The following PNMA2 variants were observed in gnomAD, a reference collection of about 807,000 sequenced individuals.
PNMA2 encodes paraneoplastic antigen Ma2.
For synonymous variants in PNMA2, 175 were observed against 183.5 expected (o/e 0.95, Z 0.38); for missense variants, 455 against 452.9 (o/e 1.00, Z -0.04).
chr8:26,513,260 C>T (rs1274437095), intron 1 of PNMA2, among the ~76,000 whole-genome samples: 1 of 151,852 alleles, frequency 6.6e-6, no homozygotes, highest in East Asian at 1.9e-4. Context: ...GTCTTTAAGT[C>T]GTGGCCCTGG....
At chr8:26,512,466 C>T (rs1040474572) in intron 1 of PNMA2, among the ~76,000 whole-genome samples, 11 of 152,164 alleles carry the variant, frequency 7.2e-5, no homozygotes, top group African/African-American at 2.7e-4. Context: ...GCAGATGTAA[C>T]TATATTCACC....
rs920134424 is a variant in PNMA2, at chr8:26,508,012, C to A, written c.744G>T (p.Arg248Ser). 1.9e-6 allele frequency: 3 copies of A among 1,614,260 alleles called. No homozygotes were observed. The African/African-American group carries it at 4.0e-5, about 22-fold the overall frequency. ...KQVFGSLESRRTAQVRYLKTY... is the reference protein window; with the variant it reads ...KQVFGSLESRSTAQVRYLKTY... ...TCTTCAGATACCTCACCTGGGCTGT[C>A]CTGCGGCTCTCTAGGCTCCCAAACA... is the stretch of plus-strand genomic sequence containing the variant. The change falls in exon 3 of 3, where the codon AGG becomes AGT. Residue 248 changes from arginine to serine, a missense_variant. Physicochemically the swap from Arg to Ser is moderately radical, Grantham distance 110 (BLOSUM62 -1). Coordinates refer to ENST00000522362, the MANE Select transcript of PNMA2 (RefSeq NM_007257.6). The surrounding 1 kb of genome is among the most constrained non-coding windows in gnomAD (Gnocchi z 5.5).
At chr8:26,513,131 T>A (rs1437244963) in intron 1 of PNMA2, 4 of 147,628 alleles carry the variant, frequency 2.7e-5, no homozygotes, top group Non-Finnish European at 6.0e-5. Context: ...TTTTTTTTTT[T>A]TTTTTTTTGG....
In PNMA2 at chr8:26,507,554, A is replaced by C; in HGVS notation, c.*107T>G. On this transcript the variant is annotated 3_prime_UTR_variant, in exon 3 of 3. Transcript: ENST00000522362. ...AGGGAGGGAAGGAAGGAAGGAAGGA[A>C]GGTCAATAATTGGCTTTCATGGTTT... The C allele has an allele frequency of 1.1e-6, 1 of 913,284 alleles. No individual in the cohort carries two copies. The highest frequency in any genetic ancestry group is 1.6e-6 in the Non-Finnish European group (1 of 617,802). The allele number at this position is 913,284 out of a possible 1,614,324, so 56.6% of individuals were successfully genotyped here. A position where few individuals can be genotyped will look rare whatever the true frequency, so the allele number is the denominator to read the frequency against.
intron 1 of PNMA2, among the ~76,000 whole-genome samples, chr8:26,510,853 C>T (rs183487656): frequency 6.6e-4 from 101 of 152,216 alleles, no homozygotes; most frequent in Middle Eastern, 6.8e-3. Context: ...GATTAGAGAA[C>T]GTAAAAAAGT....
At position 26,507,756 on chromosome 8, in the gene PNMA2, C is replaced by T; in HGVS notation, c.1000G>A (p.Glu334Lys). The T allele has an allele frequency of 6.2e-7, 1 of 1,613,196 alleles. No homozygotes were observed. Among genetic ancestry groups the T allele is most frequent in the Non-Finnish European group, 8.5e-7 (1 of 1,179,664 alleles). Reference protein sequence around the residue: ...FLELMKVIREEEEEEASFENE... With the variant: ...FLELMKVIREKEEEEASFENE... ...TCAAAGGAGGCCTCTTCCTCCTCTT[C>T]TTCCCGTATTACCTTCATTAGCTCA... is the stretch of plus-strand genomic sequence containing the variant. Residue 334 changes from glutamate (E) to lysine (K), a missense_variant, in exon 3 of 3, where the codon GAA becomes AAA. Coordinates refer to ENST00000522362, the MANE Select transcript of PNMA2 (RefSeq NM_007257.6).
At position 26,508,375 on chromosome 8, in the gene PNMA2, C is replaced by T. The variant is rs1237819500; in HGVS notation, c.381G>A (p.Glu127=). 9 of 1,614,096 alleles carry T rather than the reference C, an allele frequency of 5.6e-6. No homozygotes were observed. Among genetic ancestry groups the T allele is most frequent in the Non-Finnish European group, 7.6e-6 (9 of 1,180,022 alleles). ...AGGGCACTGTGGCTGGAGACACGCC[C>T]TCCTGCCCCAGGGCTCGAAACATAC... ...VSGMFRALGQ[E]GVSPATVPCI... Residue 127 remains glutamate, a synonymous_variant, in exon 3 of 3, where the codon GAG becomes GAA. Transcript: ENST00000522362. This position sits in a 1 kb window ranked among gnomAD's most constrained non-coding sequence, Gnocchi z 5.5.
intron 1 of PNMA2, among the ~76,000 whole-genome samples, chr8:26,510,621 T>A (rs529813124): frequency 3.2e-4 from 49 of 152,006 alleles, no homozygotes; most frequent in African/African-American, 1.0e-3. Flanking sequence ...GCTAGTTTTT[T>A]AAATTTTGTG....
Position 26,507,500 on chromosome 8 carries a change from G to A in PNMA2, c.*161C>T. ...GAAGGAAAGAGAGGAGAGGAGAGGAGAGAGGAGGAGAGAAGGAGAGAAGGA... is the reference window on the plus strand; with the variant it reads ...GAAGGAAAGAGAGGAGAGGAGAGGAAAGAGGAGGAGAGAAGGAGAGAAGGA... On this transcript the variant is annotated 3_prime_UTR_variant, in exon 3 of 3. Coordinates refer to ENST00000522362, the MANE Select transcript of PNMA2 (RefSeq NM_007257.6). 1.7e-6 allele frequency: 1 copy of A among 573,976 alleles called. No homozygotes were observed. The highest frequency in any genetic ancestry group is 3.0e-6 in the Non-Finnish European group (1 of 337,892). 35.6% of individuals were successfully genotyped at this position (573,976 alleles called of 1,614,324 possible).
In PNMA2 at chr8:26,506,938, A is replaced by T. The variant is rs74420816; in HGVS notation, c.*723T>A. The T allele has an allele frequency of 1.3e-5, 2 of 148,516 alleles. No homozygotes were observed. The highest frequency in any genetic ancestry group is 4.9e-5 in the African/African-American group (2 of 40,590). 9.2% of individuals were successfully genotyped at this position (148,516 alleles called of 1,614,324 possible). ...TTATTTTTCAAACATTACAAAAGGT[A>T]TTTTTTTTTTTGACTGCCAATTCTT... On this transcript the variant is annotated 3_prime_UTR_variant, in exon 3 of 3. Coordinates refer to ENST00000522362, the MANE Select transcript of PNMA2 (RefSeq NM_007257.6). The surrounding 1 kb of genome is among the most constrained non-coding windows in gnomAD (Gnocchi z 4.4).
intron 1 of PNMA2, among the ~76,000 whole-genome samples, chr8:26,511,404 C>T (rs1054873765): frequency 2.6e-5 from 4 of 152,192 alleles, no homozygotes; most frequent in African/African-American, 7.2e-5. Flanking sequence ...TGCTGCTTCA[C>T]CCCTGTGCCC....
In PNMA2 at chr8:26,508,788, G is replaced by A. The variant is rs780308049; in HGVS notation, c.-33C>T. On this transcript the variant is annotated 5_prime_UTR_variant, in exon 3 of 3. Coordinates refer to ENST00000522362, the MANE Select transcript of PNMA2 (RefSeq NM_007257.6). The surrounding 1 kb of genome is among the most constrained non-coding windows in gnomAD (Gnocchi z 5.5). ...AGAATTGACCCACTCTGACTCTACA[G>A]GCACCAATTTGTTAGTGGTGCAGCT... The A allele has an allele frequency of 1.3e-6, 2 of 1,573,014 alleles. No homozygotes were observed. Among genetic ancestry groups the A allele is most frequent in the Non-Finnish European group, 1.7e-6 (2 of 1,162,268 alleles).
intron 1 of PNMA2, among the ~76,000 whole-genome samples, chr8:26,510,076 A>G (rs1294991464): frequency 6.6e-6 from 1 of 152,050 alleles, no homozygotes; most frequent in Non-Finnish European, 1.5e-5. Flanking sequence ...GCCTGGTGGG[A>G]TGTGTTTGGG....
At position 26,508,407 on chromosome 8, in the gene PNMA2, C is replaced by G. The variant is rs746684506; in HGVS notation, c.349G>C (p.Val117Leu). ...NLFLEKEGQTVSGMFRALGQE... is the reference protein window; with the variant it reads ...NLFLEKEGQTLSGMFRALGQE... The stretch of plus-strand genomic sequence containing the variant: ...CCCAGGGCTCGAAACATACCCGAGA[C>G]CGTCTGCCCCTCTTTTTCTAGAAAC... The change falls in exon 3 of 3, where the codon GTC (valine) becomes CTC (leucine). Residue 117 changes from valine (V) to leucine (L), a missense_variant. By Grantham distance (32) the Val-to-Leu change is conservative (BLOSUM62 1). Coordinates refer to ENST00000522362, the MANE Select transcript of PNMA2 (RefSeq NM_007257.6). The surrounding 1 kb of genome is among the most constrained non-coding windows in gnomAD (Gnocchi z 5.5). 1.2e-6 allele frequency: 2 copies of G among 1,614,218 alleles called. No homozygotes were observed. Among genetic ancestry groups the G allele is most frequent in the Admixed American group, 3.3e-5 (2 of 60,028 alleles).
In PNMA2 at chr8:26,508,979, T is replaced by C; in HGVS notation, c.-224A>G. The C allele has an allele frequency of 8.0e-7, 1 of 1,255,040 alleles. No homozygotes were observed. The highest frequency in any genetic ancestry group is 1.0e-6 in the Non-Finnish European group (1 of 967,064). The allele number at this position is 1,255,040 out of a possible 1,614,324, so 77.7% of individuals were successfully genotyped here. ...ACTCAGGACTTCTTGTCTTTAGGCC[T>C]GACCCAGGTGGGCAGGTCGTATCTC... is the stretch of plus-strand genomic sequence containing the variant. On this transcript the variant is annotated 5_prime_UTR_variant, in exon 3 of 3. Coordinates refer to ENST00000522362, the MANE Select transcript of PNMA2 (RefSeq NM_007257.6). This position sits in a 1 kb window ranked among gnomAD's most constrained non-coding sequence, Gnocchi z 5.5.
chr8:26,508,290 G>T lies in PNMA2; in HGVS notation c.466C>A (p.Pro156Thr), dbSNP rs144954264. The T allele has an allele frequency of 1.2e-6, 2 of 1,603,638 alleles. No homozygotes were observed. The highest frequency in any genetic ancestry group is 1.7e-6 in the Non-Finnish European group (2 of 1,174,556). ...LGQAMAHAPQ[P>T]LLPMRYRKLR... ...TTCCGGTATCTCATGGGTAGCAGGG[G>T]CTGAGGCGCATGTGCCATTGCCTGT... is the stretch of plus-strand genomic sequence containing the variant. Residue 156 changes from proline to threonine, a missense_variant, in exon 3 of 3, where the codon CCC (proline) becomes ACC (threonine). Coordinates refer to ENST00000522362, the MANE Select transcript of PNMA2 (RefSeq NM_007257.6). The surrounding 1 kb of genome is among the most constrained non-coding windows in gnomAD (Gnocchi z 5.5).
rs1255433867 is a variant in PNMA2 at position 26,507,902 on chromosome 8, AT to A, written c.853del (p.Ile285SerfsTer31). 1 of 1,614,048 alleles carries A rather than the reference AT, an allele frequency of 6.2e-7. No homozygotes were observed. Among genetic ancestry groups the A allele is most frequent in the African/African-American group, 1.3e-5 (1 of 74,948 alleles). ...GACCTGGTCCGCAATACGCCGAGGG[AT>A]GGCGCGTTTCTCCACCGCTCTCCGG... ...LLRRAVEKRA[I>X]PRRIADQVRL... is the part of the protein sequence containing the mutation. On this transcript the variant is annotated frameshift_variant, in exon 3 of 3. Coordinates refer to ENST00000522362, the MANE Select transcript of PNMA2 (RefSeq NM_007257.6). LOFTEE classifies it low-confidence loss of function (END_TRUNC).
Position 26,508,384 on chromosome 8 carries a change from CA to C in PNMA2, c.371del (p.Leu124ArgfsTer37), listed in dbSNP as rs1563368205. On this transcript the variant is annotated frameshift_variant, in exon 3 of 3. Coordinates refer to ENST00000522362, the MANE Select transcript of PNMA2 (RefSeq NM_007257.6). LOFTEE classifies it high-confidence loss of function. This position sits in a 1 kb window ranked among gnomAD's most constrained non-coding sequence, Gnocchi z 5.5. ...TGGCTGGAGACACGCCCTCCTGCCC[CA>C]GGGCTCGAAACATACCCGAGACCGT... ...GQTVSGMFRA[L>X]GQEGVSPATV... is the part of the protein sequence containing the mutation. The C allele has an allele frequency of 6.2e-7, 1 of 1,614,238 alleles. No individual in the cohort carries two copies. The highest frequency in any genetic ancestry group is 2.2e-5 in the East Asian group (1 of 44,890).
chr8:26,512,081 G>C (rs979860630), intron 1 of PNMA2, among the ~76,000 whole-genome samples: 1 of 152,214 alleles, frequency 6.6e-6, no homozygotes. Flanking sequence ...GGGGGTCACA[G>C]GACAAGCTGG....
Sources: allele counts gnomAD v4.1 joint callset (sites outside exome capture counted in the v4.1 genomes callset), GRCh38; gene constraint gnomAD v4.1.1; non-coding constraint Gnocchi (gnomAD v3.1); transcripts MANE v1.5; gene names NCBI Gene and HGNC (gene_info 2026-07-23, HGNC 2026-07-21).